The following PGR variants were observed in gnomAD, a reference collection of about 807,000 sequenced individuals.
PGR encodes nuclear receptor subfamily 3 group C member 3.
PGR carries 25 observed loss-of-function variants against 76.1 expected under a neutral mutation model. The observed-to-expected ratio is 0.33, with a 90% CI of 0.24 to 0.46. The LOEUF is 0.46. PGR is among the 20% of genes least tolerant of loss of function. The probability of loss-of-function intolerance (pLI) is 1.00; values close to 1 mark genes in which losing one functional copy is unlikely to be tolerated. For missense variants in PGR, 1,172 were observed against 1,225.3 expected, an observed-to-expected ratio of 0.96 and a Z score of 0.65; for synonymous variants, 579 against 535.0, an observed-to-expected ratio of 1.08 and a Z score of -1.14.
chr11:101,070,433 T>C (rs907406676), intron 3 of PGR, among the ~76,000 whole-genome samples: 2 of 152,210 alleles, frequency 1.3e-5, no homozygotes, highest in East Asian at 3.9e-4. Flanking sequence ...GCAGGAGTTT[T>C]TTTTCATACC....
chr11:101,108,306 A>T (rs1252425302), intron 2 of PGR, among the ~76,000 whole-genome samples: 1 of 151,398 alleles, frequency 6.6e-6, no homozygotes, highest in African/African-American at 2.4e-5. Context: ...AAACTCCAGC[A>T]CTTTGGGAGG....
chr11:101,047,598 C>A (rs1419903490), intron 6 of PGR, among the ~76,000 whole-genome samples: 1 of 152,096 alleles, frequency 6.6e-6, no homozygotes, highest in East Asian at 1.9e-4. Context: ...TCTGCACCCC[C>A]TAGCCATTTG....
chr11:101,090,593 T>C (rs1363400644), intron 3 of PGR, among the ~76,000 whole-genome samples: 2 of 152,236 alleles, frequency 1.3e-5, no homozygotes, highest in Non-Finnish European at 2.9e-5. Flanking sequence ...GAGGTGGTAA[T>C]TGAGGTGTGG....
intron 3 of PGR, among the ~76,000 whole-genome samples, chr11:101,067,313 C>T (rs1415035964): frequency 6.6e-6 from 1 of 151,954 alleles, no homozygotes; most frequent in African/African-American, 2.4e-5. Context: ...ACAAAGAATT[C>T]CTATAAATCA....
At position 101,129,739 on chromosome 11, in the gene PGR, CT is replaced by C. The variant is rs1351130738; in HGVS notation, c.-670del. On this transcript the variant is annotated 5_prime_UTR_variant, in exon 1 of 8. The change creates a premature stop within an existing upstream ORF in the 5' untranslated region. Transcript: ENST00000325455. ...GATTTCACTCAAATGACAAGTGAAGCTAGTTCTCATTGAGAATGCCACCCAC... is the reference window on the plus strand; with the variant it reads ...GATTTCACTCAAATGACAAGTGAAGCAGTTCTCATTGAGAATGCCACCCAC... 5 of 180,238 alleles carry C rather than the reference CT, an allele frequency of 2.8e-5. No homozygotes were observed. Among genetic ancestry groups the C allele is most frequent in the African/African-American group, 1.2e-4 (5 of 42,348 alleles). 11.2% of individuals were successfully genotyped at this position (180,238 alleles called of 1,614,324 possible).
At chr11:101,120,725 C>A (rs2135501357) in intron 2 of PGR, among the ~76,000 whole-genome samples, 1 of 152,148 alleles carries the variant, frequency 6.6e-6, no homozygotes, top group East Asian at 1.9e-4. Context: ...AGATGGTAGG[C>A]AAGGGAACAG....
intron 3 of PGR, among the ~76,000 whole-genome samples, chr11:101,074,179 C>A (rs483678): frequency 0.16 from 24,615 of 151,968 alleles, 2,285 homozygotes; most frequent in African/African-American, 0.25. Flanking sequence ...AACATACGCA[C>A]ATTAATAAAC....
chr11:101,032,010 A>G lies in PGR; in HGVS notation c.*7106T>C, dbSNP rs910395356. On this transcript the variant is annotated 3_prime_UTR_variant, in exon 8 of 8. Transcript: ENST00000325455. Reference sequence around the variant, plus strand: ...GGTAGGGATATAGGTGGAGTGGTACAGATTGTTTGGACAGATAGAATTCTG... The same window carrying G: ...GGTAGGGATATAGGTGGAGTGGTACGGATTGTTTGGACAGATAGAATTCTG... 8.6e-6 allele frequency: 2 copies of G among 232,750 alleles called. No individual in the cohort carries two copies. The highest frequency in any genetic ancestry group is 1.1e-4 in the Admixed American group (2 of 17,782). The allele number at this position is 232,750 out of a possible 1,614,324, so 14.4% of individuals were successfully genotyped here.
chr11:101,040,620 C>T (rs752617897), intron 7 of PGR, among the ~76,000 whole-genome samples: 21 of 152,042 alleles, frequency 1.4e-4, no homozygotes, highest in Non-Finnish European at 2.4e-4. Context: ...AGTCCAACAT[C>T]ATTCTGAATC....
At chr11:101,096,481 C>T (rs1188594814) in intron 2 of PGR, among the ~76,000 whole-genome samples, 7 of 152,188 alleles carry the variant, frequency 4.6e-5, no homozygotes, top group Non-Finnish European at 1.0e-4. Flanking sequence ...GGGAATTTGG[C>T]ATGGGGCCCA....
chr11:101,054,554 G>T (rs1860223308), intron 4 of PGR, among the ~76,000 whole-genome samples: 1 of 152,078 alleles, frequency 6.6e-6, no homozygotes, highest in Non-Finnish European at 1.5e-5. Context: ...TCAATGAATT[G>T]TCTTAATTTT....
chr11:101,039,124 T>C lies in PGR; in HGVS notation c.2794A>G (p.Lys932Glu), dbSNP rs1310973253. Reference protein sequence around the residue: ...AGMVKPLLFHKK With the variant: ...AGMVKPLLFHEK ...AAAGAAAAAGATGACATTCACTTTT[T>C]ATGAAAGAGAAGGGGTTTCACCATC... The change falls in exon 8 of 8, where the codon AAA becomes GAA. Residue 932 changes from lysine to glutamate, a missense_variant. Lys to Glu is a moderately conservative substitution (Grantham distance 56). This residue lies in a region of PGR where 166 missense variants were observed against 296.0 expected (regional missense o/e 0.56). Coordinates refer to ENST00000325455, the MANE Select transcript of PGR (RefSeq NM_000926.4). 1 of 1,610,748 alleles carries C rather than the reference T, an allele frequency of 6.2e-7. No individual in the cohort carries two copies. Among genetic ancestry groups the C allele is most frequent in the East Asian group, 2.2e-5 (1 of 44,746 alleles).
intron 6 of PGR, among the ~76,000 whole-genome samples, chr11:101,045,510 T>C (rs1285483061): frequency 6.6e-6 from 1 of 152,166 alleles, no homozygotes; most frequent in Non-Finnish European, 1.5e-5. Context: ...TATGCCCATG[T>C]ACATGCATTA....
chr11:101,077,658 A>C (rs1412997705), intron 3 of PGR, among the ~76,000 whole-genome samples: 2 of 152,156 alleles, frequency 1.3e-5, no homozygotes, highest in East Asian at 1.9e-4. Context: ...AAACACAGAA[A>C]AATTTTAAGC....
intron 3 of PGR, among the ~76,000 whole-genome samples, chr11:101,064,197 G>C (rs1156289408): frequency 6.6e-6 from 1 of 151,370 alleles, no homozygotes; most frequent in Non-Finnish European, 1.5e-5. Context: ...TGGGTGTGGT[G>C]GTGGGCACCT....
intron 2 of PGR, among the ~76,000 whole-genome samples, chr11:101,093,422 G>T (rs745961268): frequency 2.7e-4 from 41 of 151,862 alleles, no homozygotes; most frequent in Non-Finnish European, 5.1e-4. Flanking sequence ...ACCCTATACT[G>T]ATATCTCACA....
At chr11:101,120,375 A>C (rs1862637149) in intron 2 of PGR, among the ~76,000 whole-genome samples, 1 of 152,266 alleles carries the variant, frequency 6.6e-6, no homozygotes, top group African/African-American at 2.4e-5. Flanking sequence ...AAAGCTAATC[A>C]TCTAGTTCAT....
intron 2 of PGR, among the ~76,000 whole-genome samples, chr11:101,093,165 C>A (rs1861724979): frequency 6.6e-6 from 1 of 152,176 alleles, no homozygotes; most frequent in South Asian, 2.1e-4. Flanking sequence ...TAGTGTTCAT[C>A]TCTTGTTTAG....
rs1555067016 is a variant in PGR at position 101,122,170 on chromosome 11, A to AAAAAT, written c.1789+3836_1789+3837insATTTT. 1.4e-3 allele frequency among the ~76,000 whole-genome samples: 19 copies of AAAAAT among 13,634 alleles called. No individual in the cohort carries two copies. The Admixed American group carries it at 0.014, about 10-fold the overall frequency. The allele number at this position is 13,634 out of a possible 152,430, so 8.9% of individuals were successfully genotyped here. A position where few individuals can be genotyped will look rare whatever the true frequency, so the allele number is the denominator to read the frequency against. ...TCCGTCTCAAAAAAAAAAAAAAAAAAGTGAGCATAATATGCAATACAATTG... is the reference window on the plus strand; with the variant it reads ...TCCGTCTCAAAAAAAAAAAAAAAAAAAAAATGTGAGCATAATATGCAATACAATTG... On this transcript the variant is annotated intron_variant, in intron 2 of 7. Transcript: ENST00000325455.
Sources: gnomAD v4.1 joint callset for allele counts (sites outside exome capture counted in the v4.1 genomes callset) on GRCh38, gnomAD v4.1.1 for gene constraint, gnomAD v4.1.1 regional missense constraint, MANE v1.5 for transcripts, NCBI Gene and HGNC (gene_info 2026-07-23, HGNC 2026-07-21) for gene names.